Variants in RGS7BP observed in about 807,000 individuals in gnomAD.
RGS7BP encodes regulator of G protein signaling 7 binding protein, also known as regulator of G protein signaling 7-binding protein.
A neutral mutation model predicts 31.3 loss-of-function variants in RGS7BP; 9 were observed. That is an observed-to-expected ratio of 0.29 (90% confidence interval 0.17 to 0.50). The LOEUF is 0.50. RGS7BP is among the 20% of genes least tolerant of loss of function. The pLI is 0.98. For synonymous variants in RGS7BP, 115 were observed against 120.1 expected (o/e 0.96, Z 0.28); for missense variants, 274 against 322.0 (o/e 0.85, Z 1.14).
At chr5:64,582,637 G>A (rs1365120868) in intron 3 of RGS7BP, among the ~76,000 whole-genome samples, 1 of 152,170 alleles carries the variant, frequency 6.6e-6, no homozygotes, top group African/African-American at 2.4e-5. Context: ...ATGCAGAGGA[G>A]ATGTAATCAC....
chr5:64,516,641 G>A (rs1014790878), intron 2 of RGS7BP, among the ~76,000 whole-genome samples: 6 of 152,162 alleles, frequency 3.9e-5, no homozygotes, highest in Non-Finnish European at 7.3e-5. Flanking sequence ...GAATCATGTG[G>A]GTGGGATGTC....
At chr5:64,508,563 C>T (rs1000671877) in intron 2 of RGS7BP, among the ~76,000 whole-genome samples, 1 of 152,094 alleles carries the variant, frequency 6.6e-6, no homozygotes, top group Non-Finnish European at 1.5e-5. Context: ...CTCTTGGGAC[C>T]CTACCTACAC....
In RGS7BP at chr5:64,552,174, T is replaced by C. The variant is rs537962242; in HGVS notation, c.333-23600T>C. Among the ~76,000 whole-genome samples, 8 of 152,318 alleles carry C rather than the reference T, an allele frequency of 5.3e-5. No homozygotes were observed. In the East Asian group the frequency reaches 1.5e-3, roughly 29 times the overall value. ...GTCTTTTGATGATCACAAATGGTGA[T>C]AATGTGGTCTAATGTAAACAGTCTA... On this transcript the variant is annotated intron_variant, in intron 2 of 5. Transcript: ENST00000334025.
At chr5:64,511,965 A>G (rs1748850339) in intron 2 of RGS7BP, among the ~76,000 whole-genome samples, 1 of 152,186 alleles carries the variant, frequency 6.6e-6, no homozygotes, top group Non-Finnish European at 1.5e-5. Context: ...TAAGACTGGG[A>G]CTTGGATCTC....
rs142936124 is a variant in RGS7BP at position 64,575,777 on chromosome 5, G to A, written c.336G>A (p.Pro112=). The part of the protein sequence containing the change: ...AHQKLAAISG[P]EDGEIHPEIC... ...TTTCTCTTTCATTCTGTTGCAGCCC[G>A]GAAGATGGTGAGATCCATCCAGAAA... Residue 112 remains proline (P), a synonymous_variant, in exon 3 of 6, where the codon CCG becomes CCA. Transcript: ENST00000334025. 3.2e-5 allele frequency: 51 copies of A among 1,606,430 alleles called. 1 individual carries two copies. Among genetic ancestry groups the A allele is most frequent in the East Asian group, 1.6e-4 (7 of 44,418 alleles).
intron 5 of RGS7BP, among the ~76,000 whole-genome samples, chr5:64,601,141 A>G (rs1295220197): frequency 5.3e-5 from 8 of 152,184 alleles, no homozygotes; most frequent in Admixed American, 4.6e-4. Flanking sequence ...GATGAAAACC[A>G]TTATAGAAAG....
chr5:64,606,964 C>A (rs998503743), intron 5 of RGS7BP, among the ~76,000 whole-genome samples: 2 of 151,480 alleles, frequency 1.3e-5, no homozygotes, highest in East Asian at 3.9e-4. Flanking sequence ...GGATTTTAAT[C>A]TCTGGAGACT....
intron 3 of RGS7BP, among the ~76,000 whole-genome samples, chr5:64,587,312 ATCTGTCAAAGCT>A (rs1561344958): frequency 6.6e-6 from 1 of 152,206 alleles, no homozygotes; most frequent in Non-Finnish European, 1.5e-5. Context: ...ATTTTGAGAA[ATCTGTCAAAGCT>A]AAAAAGCAAT....
chr5:64,569,171 G>T (rs1235832999), intron 2 of RGS7BP, among the ~76,000 whole-genome samples: 2 of 152,136 alleles, frequency 1.3e-5, no homozygotes, highest in African/African-American at 2.4e-5. Flanking sequence ...TCAATGGTGA[G>T]GAAGTCACAG....
At chr5:64,522,957 G>A (rs1156552489) in intron 2 of RGS7BP, among the ~76,000 whole-genome samples, 1 of 152,174 alleles carries the variant, frequency 6.6e-6, no homozygotes, top group Non-Finnish European at 1.5e-5. Context: ...AATTCTGTGG[G>A]ATGTGAGGGG....
intron 2 of RGS7BP, among the ~76,000 whole-genome samples, chr5:64,569,939 T>G (rs1561338431): frequency 6.6e-6 from 1 of 152,176 alleles, no homozygotes; most frequent in African/African-American, 2.4e-5. Flanking sequence ...ACAACAGAAT[T>G]GATTCCAAAA....
rs1402028523 is a variant in RGS7BP at position 64,598,433 on chromosome 5, A to G, written c.680A>G (p.Gln227Arg). The part of the protein sequence containing the change: ...RETMPLPLKN[Q>R]DDSSLLNLTP... Reference sequence around the variant, plus strand: ...ACTATGCCTTTACCATTGAAAAATCAAGGTGAGTCTTGTCACTTCTCTTTG... The same window carrying G: ...ACTATGCCTTTACCATTGAAAAATCGAGGTGAGTCTTGTCACTTCTCTTTG... The change falls in exon 5 of 6, where the codon CAA becomes CGA. Residue 227 changes from glutamine (Q) to arginine (R), a missense_variant and splice_region_variant. By Grantham distance (43) the Gln-to-Arg change is conservative. Coordinates refer to ENST00000334025, the MANE Select transcript of RGS7BP (RefSeq NM_001029875.3). 11 of 1,593,782 alleles carry G rather than the reference A, an allele frequency of 6.9e-6. No individual in the cohort carries two copies. Among genetic ancestry groups the G allele is most frequent in the Non-Finnish European group, 9.5e-6 (11 of 1,161,540 alleles).
intron 2 of RGS7BP, among the ~76,000 whole-genome samples, chr5:64,553,014 G>A (rs538331735): frequency 2.3e-4 from 35 of 152,016 alleles, no homozygotes; most frequent in Admixed American, 5.2e-4. Flanking sequence ...TGTCAGATTT[G>A]CACCTACAAC....
At chr5:64,550,334 A>G (rs779871927) in intron 2 of RGS7BP, among the ~76,000 whole-genome samples, 1 of 152,146 alleles carries the variant, frequency 6.6e-6, no homozygotes, top group Non-Finnish European at 1.5e-5. Context: ...GATGGCCACT[A>G]TCTCACTGTA....
At chr5:64,600,294 C>A (rs775215296) in intron 5 of RGS7BP, among the ~76,000 whole-genome samples, 2 of 152,100 alleles carry the variant, frequency 1.3e-5, no homozygotes, top group Non-Finnish European at 2.9e-5. Context: ...ATGGGTGCCA[C>A]GTCACCTATA....
intron 2 of RGS7BP, among the ~76,000 whole-genome samples, chr5:64,546,181 A>G (rs913380019): frequency 1.3e-5 from 2 of 152,048 alleles, no homozygotes; most frequent in African/African-American, 4.8e-5. Context: ...AAACAAAACA[A>G]AAGTCTGACC....
chr5:64,570,897 C>G (rs1250847022), intron 2 of RGS7BP, among the ~76,000 whole-genome samples: 1 of 152,128 alleles, frequency 6.6e-6, no homozygotes, highest in Non-Finnish European at 1.5e-5. Context: ...TACTCATAAA[C>G]AATTCAGCAT....
At chr5:64,558,946 T>G (rs886213622) in intron 2 of RGS7BP, among the ~76,000 whole-genome samples, 1 of 152,118 alleles carries the variant, frequency 6.6e-6, no homozygotes, top group Non-Finnish European at 1.5e-5. Context: ...GTCAGACCAG[T>G]TCTCTGCTCT....
chr5:64,515,177 A>G (rs1424836720), intron 2 of RGS7BP, among the ~76,000 whole-genome samples: 1 of 152,218 alleles, frequency 6.6e-6, no homozygotes, highest in Non-Finnish European at 1.5e-5. Flanking sequence ...TTTAAAATCT[A>G]TTCTTAAAAG....
Sources: gnomAD v4.1 joint callset for allele counts (sites outside exome capture counted in the v4.1 genomes callset) on GRCh38, gnomAD v4.1.1 for gene constraint, MANE v1.5 for transcripts, NCBI Gene and HGNC (gene_info 2026-07-23, HGNC 2026-07-21) for gene names.